The following INSIG1 variants were observed in gnomAD, a reference collection of about 807,000 sequenced individuals.
The protein encoded by INSIG1 is insulin induced gene 1, also known as insulin-induced gene 1 protein.
Under a neutral mutation model 26.5 loss-of-function variants are expected in INSIG1, and 14 were observed. The observed-to-expected ratio is 0.53, with a 90% CI of 0.35 to 0.83. INSIG1 has a LOEUF of 0.83. INSIG1 is among the 40% of genes least tolerant of loss of function. The probability of loss-of-function intolerance (pLI) is 0.01; values close to 1 mark genes in which losing one functional copy is unlikely to be tolerated. For synonymous variants in INSIG1, 147 were observed against 153.3 expected, an observed-to-expected ratio of 0.96 and a Z score of 0.30; for missense variants, 272 against 368.9, an observed-to-expected ratio of 0.74 and a Z score of 2.15.
chr7:155,298,389 G>A lies in INSIG1; in HGVS notation c.104G>A (p.Gly35Glu), dbSNP rs1797685600. ...ASAAGLAAKVGEMINVSVSGP... is the reference protein window; with the variant it reads ...ASAAGLAAKVEEMINVSVSGP... ...GCCGCGGGGCTGGCGGCCAAGGTTG[G>A]GGAGATGATCAACGTTTCCGTGTCC... is the stretch of plus-strand genomic sequence containing the variant. The change falls in exon 2 of 6, where the codon GGG (glycine) becomes GAG (glutamate). Residue 35 changes from glycine (G) to glutamate (E), a missense_variant. Transcript: ENST00000340368. The A allele has an allele frequency of 6.4e-7, 1 of 1,563,368 alleles. No individual in the cohort carries two copies. Among genetic ancestry groups the A allele is most frequent in the African/African-American group, 1.4e-5 (1 of 73,576 alleles).
At chr7:155,304,720 T>C (rs1320774490) in intron 5 of INSIG1, among the ~76,000 whole-genome samples, 1 of 152,182 alleles carries the variant, frequency 6.6e-6, no homozygotes, top group Admixed American at 6.5e-5. Context: ...CAGAAAAAAA[T>C]GTTAAAGATA....
rs935613973 is a variant in INSIG1 at position 155,309,869 on chromosome 7, A to T, written c.*1599A>T. The T allele has an allele frequency of 5.2e-5, 8 of 152,620 alleles. No homozygotes were observed. Among genetic ancestry groups the T allele is most frequent in the African/African-American group, 1.9e-4 (8 of 41,464 alleles). 9.5% of individuals were successfully genotyped at this position (152,620 alleles called of 1,614,324 possible). A position where few individuals can be genotyped will look rare whatever the true frequency, so the allele number is the denominator to read the frequency against. ...AAATGAAAACAGTTACATGAAAAAAATTTCCAATGAAGATGTCAGCATTTT... is the reference window on the plus strand; with the variant it reads ...AAATGAAAACAGTTACATGAAAAAATTTTCCAATGAAGATGTCAGCATTTT... On this transcript the variant is annotated 3_prime_UTR_variant, in exon 6 of 6. Coordinates refer to ENST00000340368, the MANE Select transcript of INSIG1 (RefSeq NM_005542.6).
chr7:155,298,127 C>T (rs1797670039), intron 1 of INSIG1, 132 bp from the exon 2 acceptor site: 1 of 653,764 alleles, frequency 1.5e-6, no homozygotes, highest in Non-Finnish European at 2.2e-6. Flanking sequence ...CCGCTGGCCC[C>T]GGGCGGGCGC....
chr7:155,302,919 A>G lies in INSIG1; in HGVS notation c.804+73A>G. ...TTGATAGAATGACTTTACATGATAC[A>G]TTCAAATTTGCGTTCATATATTCTG... is the stretch of plus-strand genomic sequence containing the variant. On this transcript the variant is annotated intron_variant, in intron 5 of 5. Transcript: ENST00000340368. The surrounding 1 kb of genome is among the most constrained non-coding windows in gnomAD (Gnocchi z 4.3). 2.0e-6 allele frequency: 2 copies of G among 1,024,328 alleles called. No homozygotes were observed. The highest frequency in any genetic ancestry group is 3.1e-6 in the Non-Finnish European group (2 of 655,466). 63.5% of individuals were successfully genotyped at this position (1,024,328 alleles called of 1,614,324 possible). A position where few individuals can be genotyped will look rare whatever the true frequency, so the allele number is the denominator to read the frequency against.
chr7:155,298,229 T>C, intron 1 of INSIG1, 30 bp from the exon 2 acceptor site: 2 of 1,415,780 alleles, frequency 1.4e-6, no homozygotes, highest in Non-Finnish European at 9.2e-7. Flanking sequence ...TTGTCTCTTC[T>C]GAGTGAACTT....
intron 2 of INSIG1, 143 bp from the exon 3 acceptor site, chr7:155,301,423 A>G (rs771410979): frequency 8.5e-5 from 63 of 742,794 alleles, no homozygotes; most frequent in Middle Eastern, 2.7e-4. Flanking sequence ...GAACAAGAAT[A>G]TAAAATCACT....
At chr7:155,300,894 C>A (rs1014278928) in intron 2 of INSIG1, among the ~76,000 whole-genome samples, 2 of 152,312 alleles carry the variant, frequency 1.3e-5, no homozygotes, top group East Asian at 1.9e-4. Context: ...CTTGACCATG[C>A]GGGAACCAGA....
chr7:155,305,273 A>G (rs1797908079), intron 5 of INSIG1, among the ~76,000 whole-genome samples: 1 of 152,034 alleles, frequency 6.6e-6, no homozygotes, highest in African/African-American at 2.4e-5. Flanking sequence ...ATTCATAAAT[A>G]CTTAAATCCT....
chr7:155,298,147 TA>T, intron 1 of INSIG1, 111 bp from the exon 2 acceptor site: 1 of 938,986 alleles, frequency 1.1e-6, no homozygotes, highest in Non-Finnish European at 1.4e-6. Flanking sequence ...CACGGGGGTC[TA>T]ACCTTGGGGG....
chr7:155,298,134 G>A, intron 1 of INSIG1, 125 bp from the exon 2 acceptor site: 1 of 722,236 alleles, frequency 1.4e-6, no homozygotes, highest in Non-Finnish European at 2.0e-6. Context: ...CCCCGGGCGG[G>A]CGCACGGGGG....
intron 2 of INSIG1, among the ~76,000 whole-genome samples, chr7:155,298,938 G>T (rs1249438151): frequency 6.6e-6 from 1 of 152,202 alleles, no homozygotes; most frequent in Non-Finnish European, 1.5e-5. Context: ...GATGAGGCAG[G>T]GAGATAATTG....
chr7:155,299,170 G>A (rs1315499675), intron 2 of INSIG1, among the ~76,000 whole-genome samples: 2 of 152,230 alleles, frequency 1.3e-5, no homozygotes, highest in Non-Finnish European at 2.9e-5. Flanking sequence ...GGTTGCCAGG[G>A]GAGCAACTTC....
At chr7:155,301,942 T>TAC (rs908900957) in intron 3 of INSIG1, among the ~76,000 whole-genome samples, 1 of 143,498 alleles carries the variant, frequency 7.0e-6, no homozygotes, top group African/African-American at 2.5e-5. Context: ...TATTTTTAAA[T>TAC]ATATATAATA....
chr7:155,304,863 C>T (rs1421588430), intron 5 of INSIG1, among the ~76,000 whole-genome samples: 6 of 151,796 alleles, frequency 4.0e-5, no homozygotes, highest in East Asian at 3.9e-4. Flanking sequence ...AGAGGCTGGG[C>T]GCGGTGGCTC....
chr7:155,309,489 C>A lies in INSIG1; in HGVS notation c.*1219C>A, dbSNP rs1798027446. ...CTGAACCCTCAACCTTCGAAATACT[C>A]CAGTTTTGTGGGTTTGGTCATTTTT... On this transcript the variant is annotated 3_prime_UTR_variant, in exon 6 of 6. Transcript: ENST00000340368. The A allele has an allele frequency of 6.6e-6, 1 of 152,542 alleles. No individual in the cohort carries two copies. The highest frequency in any genetic ancestry group is 2.1e-4 in the South Asian group (1 of 4,834). 9.4% of individuals were successfully genotyped at this position (152,542 alleles called of 1,614,324 possible). A position where few individuals can be genotyped will look rare whatever the true frequency, so the allele number is the denominator to read the frequency against.
Position 155,298,347 on chromosome 7 carries a change from G to C in INSIG1, c.62G>C (p.Gly21Ala). Residue 21 changes from glycine to alanine, a missense_variant, in exon 2 of 6, where the codon GGC (glycine) becomes GCC (alanine). Coordinates refer to ENST00000340368, the MANE Select transcript of INSIG1 (RefSeq NM_005542.6). ...CSCAHSARRRGPPRASAAGLA... is the reference protein window; with the variant it reads ...CSCAHSARRRAPPRASAAGLA... ...TGTGCGCACAGCGCGAGGCGCCGAGGCCCCCCGCGAGCCAGCGCCGCGGGG... is the reference window on the plus strand; with the variant it reads ...TGTGCGCACAGCGCGAGGCGCCGAGCCCCCCCGCGAGCCAGCGCCGCGGGG... 1 of 1,509,670 alleles carries C rather than the reference G, an allele frequency of 6.6e-7. No individual in the cohort carries two copies. The highest frequency in any genetic ancestry group is 8.8e-7 in the Non-Finnish European group (1 of 1,137,976). The allele number at this position is 1,509,670 out of a possible 1,614,324, so 93.5% of individuals were successfully genotyped here.
rs1797694785 is a variant in INSIG1, at chr7:155,298,543, G to A, written c.258G>A (p.Gln86=). The A allele has an allele frequency of 6.2e-7, 1 of 1,605,610 alleles. No individual in the cohort carries two copies. The highest frequency in any genetic ancestry group is 1.3e-5 in the African/African-American group (1 of 74,838). Residue 86 remains glutamine, a synonymous_variant, in exon 2 of 6, where the codon CAG becomes CAA. Transcript: ENST00000340368. ...ACACCTGGCATCATCGCCTGTTGCAGAGGAGCCTCGTGCTCTTCTCGGTTG... is the reference window on the plus strand; with the variant it reads ...ACACCTGGCATCATCGCCTGTTGCAAAGGAGCCTCGTGCTCTTCTCGGTTG... ...YPNTWHHRLL[Q]RSLVLFSVGV...
rs550559593 is a variant in INSIG1 at position 155,302,243 on chromosome 7, A to T, written c.538-8A>T. On this transcript the variant is annotated splice_polypyrimidine_tract_variant and splice_region_variant and intron_variant, in intron 3 of 5. Coordinates refer to ENST00000340368, the MANE Select transcript of INSIG1 (RefSeq NM_005542.6). This position sits in a 1 kb window ranked among gnomAD's most constrained non-coding sequence, Gnocchi z 4.3. ...CAGCAAACTTTTCCTTAACTTTTATATCACCAGAAATTGGATTTTGCCAAT... is the reference window on the plus strand; with the variant it reads ...CAGCAAACTTTTCCTTAACTTTTATTTCACCAGAAATTGGATTTTGCCAAT... The T allele has an allele frequency of 5.8e-6, 9 of 1,546,094 alleles. No homozygotes were observed. The highest frequency in any genetic ancestry group is 7.8e-6 in the Non-Finnish European group (9 of 1,150,554).
chr7:155,306,549 A>T (rs540806615), intron 5 of INSIG1, among the ~76,000 whole-genome samples: 1 of 152,236 alleles, frequency 6.6e-6, no homozygotes, highest in African/African-American at 2.4e-5. Context: ...TGCTAATGAT[A>T]ATAATACTAT....
Sources: allele counts gnomAD v4.1 joint callset (sites outside exome capture counted in the v4.1 genomes callset), GRCh38; gene constraint gnomAD v4.1.1; non-coding constraint Gnocchi (gnomAD v3.1); transcripts MANE v1.5; gene names NCBI Gene and HGNC (gene_info 2026-07-23, HGNC 2026-07-21).